The following ARID1B variants were observed in gnomAD, a reference collection of about 807,000 sequenced individuals.
ARID1B encodes AT-rich interactive domain-containing protein 1B.
ARID1B carries 30 observed loss-of-function variants against 212.3 expected under a neutral mutation model. The observed-to-expected ratio is 0.14, with a 90% CI of 0.11 to 0.19. The LOEUF (loss-of-function observed/expected upper bound fraction) is 0.19, where lower values mean the gene tolerates loss of function less well. Ranked by LOEUF, ARID1B falls within the 10% of genes least tolerant of loss-of-function variation. ARID1B has a pLI of 1.00. For missense variants in ARID1B, 2,891 were observed against 3,204.0 expected (o/e 0.90, Z 2.36); for synonymous variants, 1,402 against 1,301.7 (o/e 1.08, Z -1.66).
At chr6:156,789,275 T>A (rs1462835875) in intron 1 of ARID1B, among the ~76,000 whole-genome samples, 1 of 152,214 alleles carries the variant, frequency 6.6e-6, no homozygotes, top group Non-Finnish European at 1.5e-5. Context: ...ATTTTTCTGC[T>A]AAAGAAAAGC....
chr6:156,945,256 T>TTTTTTTTTTTTTG (rs1366176689), intron 4 of ARID1B, among the ~76,000 whole-genome samples: 1 of 121,746 alleles, frequency 8.2e-6, no homozygotes, highest in Non-Finnish European at 1.7e-5. Context: ...TTTTTTTTTT[T>TTTTTTTTTTTTTG]TTTTTTTTTT....
chr6:157,191,458 C>T (rs1451665895), intron 15 of ARID1B, among the ~76,000 whole-genome samples: 14 of 152,008 alleles, frequency 9.2e-5, no homozygotes, highest in Non-Finnish European at 2.9e-5. Context: ...ATGTTGGGAT[C>T]GGTATGATCT....
chr6:157,163,561 C>G (rs1248711672), intron 8 of ARID1B, among the ~76,000 whole-genome samples: 1 of 152,234 alleles, frequency 6.6e-6, no homozygotes, highest in African/African-American at 2.4e-5. Context: ...CCCACCCAGA[C>G]AGGCACCCAC....
Position 157,190,235 on chromosome 6 carries a change from G to A in ARID1B, c.4231+25G>A, listed in dbSNP as rs771631238. On this transcript the variant is annotated intron_variant, in intron 15 of 19. Coordinates refer to ENST00000636930, the MANE Select transcript of ARID1B (RefSeq NM_001374828.1). The surrounding 1 kb of genome is among the most constrained non-coding windows in gnomAD (Gnocchi z 4.6). The stretch of plus-strand genomic sequence containing the variant: ...GGTACGTGTAGAGGGGCCTCCACCC[G>A]GCCATGGACCAGTGGGCATTCTACT... The A allele has an allele frequency of 1.6e-5, 25 of 1,590,348 alleles. No homozygotes were observed. Among genetic ancestry groups the A allele is most frequent in the African/African-American group, 6.8e-5 (5 of 74,014 alleles).
At chr6:156,796,812 G>A (rs1330287302) in intron 1 of ARID1B, among the ~76,000 whole-genome samples, 1 of 152,174 alleles carries the variant, frequency 6.6e-6, no homozygotes, top group Non-Finnish European at 1.5e-5. Context: ...CAAGTGGTGA[G>A]ATGGTGGGCT....
At chr6:156,977,001 G>C (rs1777290674) in intron 4 of ARID1B, 2 of 513,766 alleles carry the variant, frequency 3.9e-6, no homozygotes, top group African/African-American at 1.9e-5. Flanking sequence ...GACAACCTCG[G>C]CTGGCATCAT....
At chr6:156,865,531 G>C (rs1258003546) in intron 2 of ARID1B, among the ~76,000 whole-genome samples, 1 of 151,918 alleles carries the variant, frequency 6.6e-6, no homozygotes, top group Non-Finnish European at 1.5e-5. Context: ...CTTTAGTTTT[G>C]TCTCAGTCCA....
chr6:157,041,382 T>C (rs556357721), intron 4 of ARID1B, among the ~76,000 whole-genome samples: 3 of 152,248 alleles, frequency 2.0e-5, no homozygotes, highest in East Asian at 3.9e-4. Context: ...TATAGTAGTA[T>C]AGAAAATTAT....
Position 157,021,269 on chromosome 6 carries a change from A to G in ARID1B, c.2248-63393A>G, listed in dbSNP as rs1374708944. ...GCCCCGGCCCCGCGGTACAGCGGGG[A>G]GACTCGCCCGCGCCCACGGAAGAAG... On this transcript the variant is annotated intron_variant, in intron 4 of 19. Transcript: ENST00000636930. 2.0e-5 allele frequency among the ~76,000 whole-genome samples: 3 copies of G among 152,166 alleles called. No homozygotes were observed. The East Asian group carries it at 5.8e-4, about 29-fold the overall frequency.
intron 2 of ARID1B, among the ~76,000 whole-genome samples, chr6:156,844,475 C>T (rs1784098581): frequency 6.6e-6 from 1 of 152,200 alleles, no homozygotes; most frequent in Admixed American, 6.5e-5. Context: ...GCAATTATAG[C>T]ACCTCTATGG....
intron 4 of ARID1B, 146 bp downstream of exon 4, chr6:156,935,722 T>G (rs1011723140): frequency 2.8e-6 from 2 of 708,606 alleles, no homozygotes; most frequent in Non-Finnish European, 2.3e-6. Flanking sequence ...TTTTTCAAGG[T>G]TTACCTTTTA....
chr6:156,945,097 G>GTT (rs1275218412), intron 4 of ARID1B, among the ~76,000 whole-genome samples: 10 of 100,160 alleles, frequency 1.0e-4, no homozygotes, highest in African/African-American at 2.5e-4. Context: ...TAATTTTTTT[G>GTT]TATATTTTTT....
At chr6:156,966,494 A>G (rs1250614931) in intron 4 of ARID1B, among the ~76,000 whole-genome samples, 2 of 148,606 alleles carry the variant, frequency 1.3e-5, no homozygotes, top group African/African-American at 2.5e-5. Flanking sequence ...CCCGGGTTCA[A>G]GTGATTCTCC....
intron 4 of ARID1B, among the ~76,000 whole-genome samples, chr6:156,962,191 C>G (rs1299131953): frequency 6.6e-6 from 1 of 151,872 alleles, no homozygotes; most frequent in African/African-American, 2.4e-5. Flanking sequence ...CCCAGCTACT[C>G]GGAAGGCTGA....
At chr6:157,086,249 G>A (rs1784960174) in intron 5 of ARID1B, among the ~76,000 whole-genome samples, 1 of 152,176 alleles carries the variant, frequency 6.6e-6, no homozygotes, top group Non-Finnish European at 1.5e-5. Context: ...TCTGTAATTT[G>A]ATATAGGTAT....
intron 4 of ARID1B, among the ~76,000 whole-genome samples, chr6:156,995,303 A>C (rs912926440): frequency 7.2e-5 from 11 of 152,246 alleles, no homozygotes; most frequent in African/African-American, 2.7e-4. Flanking sequence ...AAAAGGAGCC[A>C]AAGAGAAGGT....
intron 4 of ARID1B, among the ~76,000 whole-genome samples, chr6:157,073,059 A>G (rs1784085384): frequency 6.6e-6 from 1 of 152,166 alleles, no homozygotes; most frequent in Non-Finnish European, 1.5e-5. Flanking sequence ...ATATTTGATA[A>G]AGAATGGGAT....
Position 156,778,934 on chromosome 6 carries a change from AGCGGGAGCTGTG to A in ARID1B, c.1259_1270del (p.Gly420_Ala423del), listed in dbSNP as rs1203305031. 7.7e-7 allele frequency: 1 copy of A among 1,305,220 alleles called. No homozygotes were observed. The highest frequency in any genetic ancestry group is 9.7e-7 in the Non-Finnish European group (1 of 1,035,384). The allele number at this position is 1,305,220 out of a possible 1,614,324, so 80.9% of individuals were successfully genotyped here. A position where few individuals can be genotyped will look rare whatever the true frequency, so the allele number is the denominator to read the frequency against. On this transcript the variant is annotated inframe_deletion, in exon 1 of 20. Transcript: ENST00000636930. ...GAGGAGCAGGAGCAGGAGGAGCAGGAGCGGGAGCTGTGGCGGCGGCGGCCGCGGCGGCGGCGG... is the reference window on the plus strand; with the variant it reads ...GAGGAGCAGGAGCAGGAGGAGCAGGAGCGGCGGCGGCCGCGGCGGCGGCGG...
intron 4 of ARID1B, chr6:156,976,842 G>A: frequency 1.7e-6 from 1 of 578,942 alleles, no homozygotes; most frequent in Non-Finnish European, 3.3e-6. Flanking sequence ...AATCATTGAT[G>A]ATCACAGAGC....
Sources: allele counts gnomAD v4.1 joint callset (sites outside exome capture counted in the v4.1 genomes callset), GRCh38; gene constraint gnomAD v4.1.1; non-coding constraint Gnocchi (gnomAD v3.1); transcripts MANE v1.5; gene names NCBI Gene and HGNC (gene_info 2026-07-23, HGNC 2026-07-21).